The following TSBP1 variants were observed in gnomAD, a reference collection of about 807,000 sequenced individuals.
TSBP1 encodes the protein testis expressed basic protein 1.
A neutral mutation model predicts 68.8 loss-of-function variants in TSBP1; 56 were observed. That is an observed-to-expected ratio of 0.81 (90% CI 0.66 to 1.02). TSBP1 has a LOEUF of 1.02. TSBP1 is among the 50% of genes least tolerant of loss of function. The pLI, the probability that TSBP1 is intolerant of heterozygous loss-of-function variation, is 0.00. For synonymous variants in TSBP1, 171 were observed against 208.7 expected (o/e 0.82, Z 1.56); for missense variants, 502 against 641.2 (o/e 0.78, Z 2.34).
intron 22 of TSBP1, among the ~76,000 whole-genome samples, chr6:32,295,818 G>T (rs1764648865): frequency 6.7e-6 from 1 of 150,144 alleles, no homozygotes; most frequent in Non-Finnish European, 1.5e-5. Flanking sequence ...TACAGGAGTG[G>T]TTAATTGTAT....
At chr6:32,293,903 A>T (rs1336684420) in exon 23 of TSBP1, 1 of 1,612,824 alleles carries the variant, frequency 6.2e-7, no homozygotes, top group East Asian at 2.2e-5. Context: ...CGTAAATATG[A>T]TGTCATTCTT....
At chr6:32,371,308 AT>A in intron 1 of TSBP1, among the ~76,000 whole-genome samples, 1 of 152,278 alleles carries the variant, frequency 6.6e-6, no homozygotes, top group South Asian at 2.1e-4. Context: ...CAGTTAGAAG[AT>A]GGTCCACCCT....
chr6:32,341,475 C>A (rs1030533101), intron 9 of TSBP1, among the ~76,000 whole-genome samples: 1 of 152,082 alleles, frequency 6.6e-6, no homozygotes, highest in Non-Finnish European at 1.5e-5. Flanking sequence ...CATGCCCTAC[C>A]CAGAGGCATT....
intron 6 of TSBP1, among the ~76,000 whole-genome samples, chr6:32,364,898 A>AT (rs1190562275): frequency 1.6e-4 from 18 of 113,474 alleles, no homozygotes; most frequent in African/African-American, 4.8e-4. Context: ...CACAGGTGGG[A>AT]TTTTTTCCCT....
rs1171962862 is a variant in TSBP1, at chr6:32,357,699, G to A, written c.218-2030C>T. 6.6e-6 allele frequency among the ~76,000 whole-genome samples: 1 copy of A among 152,164 alleles called. No homozygotes were observed. Among genetic ancestry groups the A allele is most frequent in the African/African-American group, 2.4e-5 (1 of 41,422 alleles). The stretch of plus-strand genomic sequence containing the variant: ...TATAATTTGAAAGCATCAGAGATGG[G>A]ATTTGATGGTGGATTGGATGAAGAG... On this transcript the variant is annotated intron_variant, in intron 6 of 22. Transcript: ENST00000612031. The surrounding 1 kb of genome is among the most constrained non-coding windows in gnomAD (Gnocchi z 4.7).
At chr6:32,358,484 A>G (rs1440946652) in intron 6 of TSBP1, among the ~76,000 whole-genome samples, 2 of 152,106 alleles carry the variant, frequency 1.3e-5, no homozygotes, top group Admixed American at 1.3e-4. Flanking sequence ...TTACATATGT[A>G]TACATGTGCC....
intron 9 of TSBP1, among the ~76,000 whole-genome samples, chr6:32,347,482 G>A (rs1279598886): frequency 6.6e-6 from 1 of 152,150 alleles, no homozygotes; most frequent in Non-Finnish European, 1.5e-5. Context: ...TTTCCGAACA[G>A]TCTTCTCCAG....
At chr6:32,362,229 C>T (rs1329198775) in intron 6 of TSBP1, among the ~76,000 whole-genome samples, 1 of 145,110 alleles carries the variant, frequency 6.9e-6, no homozygotes, top group Non-Finnish European at 1.5e-5. Flanking sequence ...GCAGAGCCTG[C>T]AGTGAGCCGA....
chr6:32,299,884 T>C, intron 22 of TSBP1, 38 bp downstream of exon 25: 2 of 1,540,494 alleles, frequency 1.3e-6, no homozygotes, highest in Non-Finnish European at 1.8e-6. Context: ...TTAAAAGCAA[T>C]GTAAAATATC....
At chr6:32,371,829 G>A in exon 1 of TSBP1, 2 of 1,043,362 alleles carry the variant, frequency 1.9e-6, no homozygotes, top group East Asian at 2.4e-5. Flanking sequence ...GTGTCAGGGA[G>A]GCCCTTGTAG....
At chr6:32,307,251 A>T (rs1387696735) in intron 19 of TSBP1, among the ~76,000 whole-genome samples, 1 of 152,142 alleles carries the variant, frequency 6.6e-6, no homozygotes, top group Non-Finnish European at 1.5e-5. Context: ...GTGTTTTGAC[A>T]AGTAATGATT....
intron 9 of TSBP1, 90 bp downstream of exon 9, chr6:32,349,650 A>C: frequency 2.7e-6 from 2 of 750,326 alleles, no homozygotes. Flanking sequence ...GCTGTGCTGC[A>C]GCGAAGAAGT....
chr6:32,339,385 G>C lies in TSBP1; in HGVS notation c.388+215C>G, dbSNP rs114888541. 444 of 663,260 alleles carry C rather than the reference G, an allele frequency of 6.7e-4. 2 individuals carry two copies. Among genetic ancestry groups the C allele is most frequent in the Non-Finnish European group, 1.2e-3 (410 of 354,604 alleles). 41.1% of individuals were successfully genotyped at this position (663,260 alleles called of 1,614,324 possible). A position where few individuals can be genotyped will look rare whatever the true frequency, so the allele number is the denominator to read the frequency against. On this transcript the variant is annotated intron_variant, in intron 10 of 22. Transcript: ENST00000612031. ...TCTCAAATTCCTCACACTGGTAAAA[G>C]AGAGAACAGTAAAATTGCAAGTTTT...
At chr6:32,367,058 T>C (rs1285193393) in intron 4 of TSBP1, among the ~76,000 whole-genome samples, 1 of 151,564 alleles carries the variant, frequency 6.6e-6, no homozygotes, top group Non-Finnish European at 1.5e-5. Flanking sequence ...GTAGCGTGTG[T>C]GTGTGTGTGT....
chr6:32,306,054 T>G lies in TSBP1; in HGVS notation c.581-3425A>C, dbSNP rs1295107696. 6.6e-6 allele frequency among the ~76,000 whole-genome samples: 1 copy of G among 152,200 alleles called. No individual in the cohort carries two copies. The highest frequency in any genetic ancestry group is 2.4e-5 in the African/African-American group (1 of 41,448). On this transcript the variant is annotated intron_variant, in intron 19 of 22. Coordinates refer to ENST00000612031, the Ensembl canonical transcript of TSBP1. The surrounding 1 kb of genome is among the most constrained non-coding windows in gnomAD (Gnocchi z 5.1). ...ATATATTGGCAAGGGTCATAACACA[T>G]TTGTATGACAGTGAAACAGCAAAAT...
chr6:32,310,761 A>ATATATATAT lies in TSBP1; in HGVS notation c.580+5010_580+5011insATATATATA. Among the ~76,000 whole-genome samples, 1,023 of 144,808 alleles carry ATATATATAT rather than the reference A, an allele frequency of 7.1e-3. 15 individuals carry two copies. Among genetic ancestry groups the ATATATATAT allele is most frequent in the African/African-American group, 0.024 (969 of 39,590 alleles). 95.0% of individuals were successfully genotyped at this position (144,808 alleles called of 152,430 possible). On this transcript the variant is annotated intron_variant, in intron 19 of 22. Coordinates refer to ENST00000612031, the Ensembl canonical transcript of TSBP1. ...TATATATACATATATATATATATAT[A>ATATATATAT]TTTTTAATCTTTTTAGAAAGGATAG...
At chr6:32,330,635 AACACACACACAC>A (rs9279582) in intron 15 of TSBP1, 26 bp from the exon 17 acceptor site, 97 of 1,134,726 alleles carry the variant, frequency 8.5e-5, no homozygotes, top group Middle Eastern at 5.7e-4. Flanking sequence ...AAACAAATTA[AACACACACACAC>A]ACACACACAC....
At chr6:32,308,092 TA>T (rs1765952145) in intron 19 of TSBP1, among the ~76,000 whole-genome samples, 1 of 152,176 alleles carries the variant, frequency 6.6e-6, no homozygotes, top group South Asian at 2.1e-4. Context: ...TGGTATGTTT[TA>T]AAATTCCTTC....
rs3129921 is a variant in TSBP1 at position 32,365,316 on chromosome 6, A to G, written c.217+851T>C. On this transcript the variant is annotated intron_variant, in intron 6 of 22. Coordinates refer to ENST00000612031, the Ensembl canonical transcript of TSBP1. The surrounding 1 kb of genome is among the most constrained non-coding windows in gnomAD (Gnocchi z 4.3). Reference sequence around the variant, plus strand: ...TTCTCAAGTTTGTGTCCTTTTTTCCAATCCCACAAAGTCAAACTGACTGTG... The same window carrying G: ...TTCTCAAGTTTGTGTCCTTTTTTCCGATCCCACAAAGTCAAACTGACTGTG... 0.54 allele frequency: 246,466 copies of G among 456,188 alleles called. 69,277 individuals are homozygous for G. The highest frequency in any genetic ancestry group is 0.64 in the Middle Eastern group (1,968 of 3,078). 28.3% of individuals were successfully genotyped at this position (456,188 alleles called of 1,614,324 possible). A position where few individuals can be genotyped will look rare whatever the true frequency, so the allele number is the denominator to read the frequency against.
Sources: gnomAD v4.1 joint callset for allele counts (sites outside exome capture counted in the v4.1 genomes callset) on GRCh38, gnomAD v4.1.1 for gene constraint, Gnocchi (gnomAD v3.1) non-coding constraint, MANE v1.5 for transcripts, NCBI Gene and HGNC (gene_info 2026-07-23, HGNC 2026-07-21) for gene names.